CPD: variants seen among roughly 807,000 people sequenced by gnomAD.
CPD encodes the protein metallocarboxypeptidase D.
In CPD, 69 loss-of-function variants were observed where a neutral mutation model predicts 138.3. The ratio of observed to expected loss-of-function variants is 0.50; its 90% confidence interval spans 0.41 to 0.61. CPD has a LOEUF of 0.61. Among genes scored for constraint, CPD ranks in the 20% least tolerant of loss-of-function variants. The pLI, the probability that CPD is intolerant of heterozygous loss-of-function variation, is 0.00. For synonymous variants in CPD, 651 were observed against 642.1 expected (o/e 1.01, Z -0.21); for missense variants, 1,432 against 1,733.3 (o/e 0.83, Z 3.09).
At chr17:30,389,302 T>G (rs927226745) in intron 2 of CPD, among the ~76,000 whole-genome samples, 4 of 152,212 alleles carry the variant, frequency 2.6e-5, no homozygotes, top group Non-Finnish European at 4.4e-5. Context: ...ATCAGAAGCA[T>G]TCAAAAAGAG....
chr17:30,392,827 A>T (rs1911395964), intron 2 of CPD, among the ~76,000 whole-genome samples: 1 of 152,226 alleles, frequency 6.6e-6, no homozygotes, highest in Non-Finnish European at 1.5e-5. Flanking sequence ...TTTATCTCAG[A>T]TGTTCTACTT....
intron 8 of CPD, among the ~76,000 whole-genome samples, chr17:30,433,409 G>A (rs1460577835): frequency 6.6e-6 from 1 of 151,914 alleles, no homozygotes; most frequent in Non-Finnish European, 1.5e-5. Flanking sequence ...TGTTTTCTTA[G>A]ACCATTAACC....
rs1280375966 is a variant in CPD, at chr17:30,465,840, C to T, written c.*1026C>T. ...AAATATCTATACTTCATGCTCCAGC[C>T]CAAGCCTATACCCTGTAATAGCATA... On this transcript the variant is annotated 3_prime_UTR_variant, in exon 21 of 21. Transcript: ENST00000225719. The T allele has an allele frequency of 6.6e-6, 1 of 152,546 alleles. No individual in the cohort carries two copies. The highest frequency in any genetic ancestry group is 1.9e-4 in the East Asian group (1 of 5,202). 9.4% of individuals were successfully genotyped at this position (152,546 alleles called of 1,614,324 possible).
chr17:30,463,187 C>G (rs531822675), intron 20 of CPD, among the ~76,000 whole-genome samples: 21 of 152,330 alleles, frequency 1.4e-4, no homozygotes, highest in Non-Finnish European at 2.6e-4. Context: ...GGTCTATACT[C>G]AAACGTCACC....
In CPD at chr17:30,438,979, A is replaced by G; in HGVS notation, c.2132A>G (p.Asn711Ser). Residue 711 changes from asparagine to serine, a missense_variant, in exon 9 of 21, where the codon AAT becomes AGT. This residue lies in a region of CPD where 297 missense variants were observed against 405.3 expected (regional missense o/e 0.73). Coordinates refer to ENST00000225719, the MANE Select transcript of CPD (RefSeq NM_001304.5). ...QQIALSYSKE[N>S]SQMFQGRPCK... Reference sequence around the variant, plus strand: ...AGATTCTTTTTGTTTTTCCAGGAAAATTCCCAGATGTTTCAAGGTAGACCT... The same window carrying G: ...AGATTCTTTTTGTTTTTCCAGGAAAGTTCCCAGATGTTTCAAGGTAGACCT... 6.5e-7 allele frequency: 1 copy of G among 1,543,318 alleles called. No homozygotes were observed. The highest frequency in any genetic ancestry group is 1.2e-5 in the South Asian group (1 of 81,286).
chr17:30,456,419 CCTTAAGGT>C (rs1913295844), intron 16 of CPD, 35 bp from the exon 17 acceptor site: 1 of 1,610,796 alleles, frequency 6.2e-7, no homozygotes, highest in African/African-American at 1.3e-5. Flanking sequence ...AGGAGTTTCA[CCTTAAGGT>C]CTTCCTGATT....
intron 3 of CPD, among the ~76,000 whole-genome samples, 179 bp downstream of exon 3, chr17:30,421,162 C>T (rs1224074784): frequency 3.3e-5 from 5 of 152,116 alleles, no homozygotes; most frequent in South Asian, 2.1e-4. Flanking sequence ...CATATTCTAG[C>T]TCTGCTTCCC....
intron 12 of CPD, among the ~76,000 whole-genome samples, chr17:30,447,002 A>G (rs367599307): frequency 1.7e-4 from 26 of 151,976 alleles, no homozygotes; most frequent in Non-Finnish European, 2.2e-4. Context: ...CATATCCTTC[A>G]CCCACTTTTT....
intron 2 of CPD, among the ~76,000 whole-genome samples, chr17:30,394,116 C>CT (rs35779169): frequency 0.01 from 410 of 40,872 alleles, 146 homozygotes; most frequent in Non-Finnish European, 0.012. Context: ...GCACTCCAGC[C>CT]TTTTTTTTTT....
At chr17:30,462,114 C>A in intron 19 of CPD, 52 bp downstream of exon 19, 1 of 1,459,062 alleles carries the variant, frequency 6.9e-7, no homozygotes, top group Non-Finnish European at 9.3e-7. Context: ...CTTAATAATA[C>A]TTCTGTTTTA....
chr17:30,431,076 C>A (rs1365539370), intron 7 of CPD, among the ~76,000 whole-genome samples: 1 of 152,136 alleles, frequency 6.6e-6, no homozygotes, highest in Admixed American at 6.5e-5. Flanking sequence ...ATTTTACATT[C>A]CCGCCAGCAA....
intron 2 of CPD, among the ~76,000 whole-genome samples, chr17:30,408,098 G>A (rs1370276025): frequency 1.3e-5 from 2 of 152,112 alleles, no homozygotes; most frequent in Non-Finnish European, 2.9e-5. Context: ...TCTTGTTTTT[G>A]TCAGGTTTGT....
intron 1 of CPD, among the ~76,000 whole-genome samples, chr17:30,383,104 G>C (rs1000241630): frequency 6.6e-6 from 1 of 152,190 alleles, no homozygotes; most frequent in African/African-American, 2.4e-5. Context: ...AGTGGAGTTA[G>C]AAAGTTAGAA....
intron 17 of CPD, among the ~76,000 whole-genome samples, chr17:30,457,477 A>G (rs762711047): frequency 2.0e-5 from 3 of 152,142 alleles, no homozygotes; most frequent in Admixed American, 6.5e-5. Context: ...TATTACAAGT[A>G]TCTGTCACTT....
chr17:30,385,434 GTTATC>G (rs1911158291), intron 2 of CPD, 198 bp downstream of exon 2: 6 of 549,372 alleles, frequency 1.1e-5, no homozygotes, highest in South Asian at 9.9e-5. Flanking sequence ...ATTCACCACT[GTTATC>G]TTATCCCAGA....
chr17:30,464,756 A>C lies in CPD; in HGVS notation c.4085A>C (p.His1362Pro). The change falls in exon 21 of 21, where the codon CAT becomes CCT. Residue 1362 changes from histidine (H) to proline (P), a missense_variant. Physicochemically the swap from His to Pro is moderately conservative, Grantham distance 77. This residue lies in a region of CPD where 366 missense variants were observed against 518.8 expected (regional missense o/e 0.71). Transcript: ENST00000225719. Reference sequence around the variant, plus strand: ...GGCTCCAAGAAGTCCCTCCTAAGCCATGAGTTCCAGGATGAAACAGACACT... The same window carrying C: ...GGCTCCAAGAAGTCCCTCCTAAGCCCTGAGTTCCAGGATGAAACAGACACT... ...STGSKKSLLS[H>P]EFQDETDTEE... 6.2e-7 allele frequency: 1 copy of C among 1,614,014 alleles called. No homozygotes were observed. Among genetic ancestry groups the C allele is most frequent in the Non-Finnish European group, 8.5e-7 (1 of 1,179,912 alleles).
At chr17:30,397,737 CAAAAAAAAAAAAAA>C (rs71138885) in intron 2 of CPD, among the ~76,000 whole-genome samples, 6 of 31,850 alleles carry the variant, frequency 1.9e-4, no homozygotes, top group South Asian at 1.2e-3. Flanking sequence ...ACTCCTGTCT[CAAAAAAAAAAAAAA>C]AAAAAAAAAA....
At chr17:30,389,222 C>T (rs1403462190) in intron 2 of CPD, among the ~76,000 whole-genome samples, 1 of 152,188 alleles carries the variant, frequency 6.6e-6, no homozygotes. Flanking sequence ...CCGCACCTTC[C>T]GGCCTGCTGC....
At position 30,469,835 on chromosome 17, in the gene CPD, T is replaced by G. The variant is rs1913737875; in HGVS notation, c.*5021T>G. On this transcript the variant is annotated 3_prime_UTR_variant, in exon 21 of 21. Coordinates refer to ENST00000225719, the MANE Select transcript of CPD (RefSeq NM_001304.5). ...TAACAGTTCTTTTTCTCTCAGTGTT[T>G]GAAATATTTTCCTGAATTTTCTTAG... 1 of 152,204 alleles carries G rather than the reference T, an allele frequency of 6.6e-6. No individual in the cohort carries two copies. Among genetic ancestry groups the G allele is most frequent in the South Asian group, 2.1e-4 (1 of 4,834 alleles). 9.4% of individuals were successfully genotyped at this position (152,204 alleles called of 1,614,324 possible). A position where few individuals can be genotyped will look rare whatever the true frequency, so the allele number is the denominator to read the frequency against.
Sources: allele counts gnomAD v4.1 joint callset (sites outside exome capture counted in the v4.1 genomes callset), GRCh38; gene constraint gnomAD v4.1.1; regional missense constraint gnomAD v4.1.1; transcripts MANE v1.5; gene names NCBI Gene and HGNC (gene_info 2026-07-23, HGNC 2026-07-21).